S100A10: variants seen among roughly 807,000 people sequenced by gnomAD.
The protein encoded by S100A10 is S100 calcium binding protein A10, also known as protein S100-A10.
A neutral mutation model predicts 7.1 loss-of-function variants in S100A10; 3 were observed. The observed-to-expected ratio is 0.42, with a 90% CI of 0.19 to 1.10. The LOEUF is 1.10. S100A10 is among the 50% of genes least tolerant of loss of function. The pLI is 0.29. For synonymous variants in S100A10, 41 were observed against 39.3 expected (o/e 1.04, Z -0.16); for missense variants, 101 against 118.1 (o/e 0.86, Z 0.67).
intron 1 of S100A10, among the ~76,000 whole-genome samples, chr1:151,990,963 G>A (rs1057456490): frequency 6.6e-5 from 10 of 152,124 alleles, no homozygotes; most frequent in Admixed American, 1.3e-4. Context: ...AAAAGTGTCT[G>A]CTCCTGAAAA....
chr1:151,989,416 A>G (rs1017890238), intron 1 of S100A10, among the ~76,000 whole-genome samples: 25 of 152,282 alleles, frequency 1.6e-4, no homozygotes, highest in South Asian at 6.2e-4. Flanking sequence ...GCCTTCTGCA[A>G]TAAGGATGCA....
chr1:151,983,378 A>AAAGG, intron 2 of S100A10, 54 bp from the exon 3 acceptor site: 1 of 1,257,766 alleles, frequency 8.0e-7, no homozygotes, highest in Non-Finnish European at 1.1e-6. Flanking sequence ...TGCAATGAGG[A>AAAGG]GCTTATTTGA....
rs1655950504 is a variant in S100A10 at position 151,993,415 on chromosome 1, G to A, written c.-22+337C>T. Among the ~76,000 whole-genome samples the A allele has an allele frequency of 6.6e-6, 1 of 152,218 alleles. No individual in the cohort carries two copies. The highest frequency in any genetic ancestry group is 2.1e-4 in the South Asian group (1 of 4,832). The stretch of plus-strand genomic sequence containing the variant: ...ATTCGGTAACCCGAGAGACGAGTGG[G>A]AAAGTAGGAAAGGTGGGAGTAAAGC... On this transcript the variant is annotated intron_variant, in intron 1 of 2. Transcript: ENST00000368811. This position sits in a 1 kb window ranked among gnomAD's most constrained non-coding sequence, Gnocchi z 5.1.
Position 151,983,186 on chromosome 1 carries a change from T to C in S100A10, c.271A>G (p.Met91Val). The change falls in exon 3 of 3, where the codon ATG (methionine) becomes GTG (valine). Residue 91 changes from methionine (M) to valine (V), a missense_variant. Transcript: ENST00000368811. Reference sequence around the variant, plus strand: ...GCCTACTTCTTTCCCTTCTGCTTCATGTGTACTACAAAATAGTCATTGCAT... The same window carrying C: ...GCCTACTTCTTTCCCTTCTGCTTCACGTGTACTACAAAATAGTCATTGCAT... ...IACNDYFVVHMKQKGKK is the reference protein window; with the variant it reads ...IACNDYFVVHVKQKGKK 1 of 1,587,510 alleles carries C rather than the reference T, an allele frequency of 6.3e-7. No individual in the cohort carries two copies. The highest frequency in any genetic ancestry group is 8.5e-7 in the Non-Finnish European group (1 of 1,171,942).
chr1:151,986,144 C>T lies in S100A10; in HGVS notation c.87G>A (p.Glu29=), dbSNP rs766326548. 1 of 1,609,572 alleles carries T rather than the reference C, an allele frequency of 6.2e-7. No individual in the cohort carries two copies. Among genetic ancestry groups the T allele is most frequent in the South Asian group, 1.1e-5 (1 of 90,038 alleles). The change falls in exon 2 of 3, where the codon GAG becomes GAA. Residue 29 remains glutamate, a synonymous_variant. Transcript: ENST00000368811. The part of the protein sequence containing the change: ...FAGDKGYLTK[E]DLRVLMEKEF... ...CCTTTTCCATGAGTACTCTCAGGTCCTCCTTTGTTAAGTAGCCTTTATCCC... is the reference window on the plus strand; with the variant it reads ...CCTTTTCCATGAGTACTCTCAGGTCTTCCTTTGTTAAGTAGCCTTTATCCC...
At chr1:151,983,717 C>G (rs1186742793) in intron 2 of S100A10, among the ~76,000 whole-genome samples, 1 of 152,066 alleles carries the variant, frequency 6.6e-6, no homozygotes, top group African/African-American at 2.4e-5. Flanking sequence ...TTAATGATGC[C>G]ATGGGTTGGT....
In S100A10 at chr1:151,987,023, TC is replaced by T. The variant is rs1655805067; in HGVS notation, c.-21-773del. On this transcript the variant is annotated intron_variant, in intron 1 of 2. Transcript: ENST00000368811. The stretch of plus-strand genomic sequence containing the variant: ...TAATTTAGAAAAGCAACATCAGTGT[TC>T]CTCTTTTTTTTTTTTTTTTTTTTTT... 2.4e-5 allele frequency among the ~76,000 whole-genome samples: 3 copies of T among 127,380 alleles called. No homozygotes were observed. In the South Asian group the frequency reaches 7.7e-4, roughly 33 times the overall value. 83.6% of individuals were successfully genotyped at this position (127,380 alleles called of 152,430 possible). A position where few individuals can be genotyped will look rare whatever the true frequency, so the allele number is the denominator to read the frequency against.
At chr1:151,986,724 T>C (rs1335422452) in intron 1 of S100A10, among the ~76,000 whole-genome samples, 2 of 152,260 alleles carry the variant, frequency 1.3e-5, no homozygotes, top group African/African-American at 4.8e-5. Context: ...TCACTAAGCG[T>C]AACGTCCTCC....
chr1:151,992,396 A>C (rs1383918490), intron 1 of S100A10: 1 of 152,198 alleles, frequency 6.6e-6, no homozygotes. Context: ...GCAGGCTGCC[A>C]GGCGCATACT....
In S100A10 at chr1:151,993,264, G is replaced by GCCTACTCGT. The variant is rs1655945426; in HGVS notation, c.-22+479_-22+487dup. On this transcript the variant is annotated intron_variant, in intron 1 of 2. Coordinates refer to ENST00000368811, the MANE Select transcript of S100A10 (RefSeq NM_002966.3). This position sits in a 1 kb window ranked among gnomAD's most constrained non-coding sequence, Gnocchi z 5.1. ...GGGTTACGGAAGGGACGCCCCAGCTGCCTACTCGTCCTACCCGCGCCTACT... is the reference window on the plus strand; with the variant it reads ...GGGTTACGGAAGGGACGCCCCAGCTGCCTACTCGTCCTACTCGTCCTACCCGCGCCTACT... Among the ~76,000 whole-genome samples the GCCTACTCGT allele has an allele frequency of 6.6e-6, 1 of 152,142 alleles. No individual in the cohort carries two copies. Among genetic ancestry groups the GCCTACTCGT allele is most frequent in the Non-Finnish European group, 1.5e-5 (1 of 68,030 alleles).
chr1:151,990,837 G>T (rs532528275), intron 1 of S100A10, among the ~76,000 whole-genome samples: 1 of 152,218 alleles, frequency 6.6e-6, no homozygotes, highest in South Asian at 2.1e-4. Context: ...TTTGAGCAGG[G>T]TCCCAATAGC....
chr1:151,983,760 G>A (rs546480181), intron 2 of S100A10, among the ~76,000 whole-genome samples: 16 of 152,140 alleles, frequency 1.1e-4, no homozygotes, highest in Non-Finnish European at 2.2e-4. Context: ...CTCATTCTTG[G>A]CACAGCTGAG....
At chr1:151,985,773 A>G (rs1027086093) in intron 2 of S100A10, among the ~76,000 whole-genome samples, 8 of 152,094 alleles carry the variant, frequency 5.3e-5, no homozygotes, top group African/African-American at 1.9e-4. Context: ...GACACAGATA[A>G]CCCGATGGAA....
At position 151,983,214 on chromosome 1, in the gene S100A10, A is replaced by C. The variant is rs1041129387; in HGVS notation, c.243T>G (p.Ile81Met). 3.7e-6 allele frequency: 6 copies of C among 1,604,922 alleles called. No homozygotes were observed. The highest frequency in any genetic ancestry group is 1.3e-5 in the African/African-American group (1 of 74,380). The change falls in exon 3 of 3, where the codon ATT (isoleucine) becomes ATG (methionine). Residue 81 changes from isoleucine to methionine, a missense_variant. Transcript: ENST00000368811. ...SFFSLIAGLT[I>M]ACNDYFVVHM... ...GTACTACAAAATAGTCATTGCATGC[A>C]ATGGTGAGGCCCGCAATTAGGGAAA... is the stretch of plus-strand genomic sequence containing the variant.
In S100A10 at chr1:151,993,295, G is replaced by C. The variant is rs555347893; in HGVS notation, c.-22+457C>G. ...TCGTCCTACCCGCGCCTACTTGGGCGGTACAGCCGGGAGCAGGCTACGAAC... is the reference window on the plus strand; with the variant it reads ...TCGTCCTACCCGCGCCTACTTGGGCCGTACAGCCGGGAGCAGGCTACGAAC... On this transcript the variant is annotated intron_variant, in intron 1 of 2. Transcript: ENST00000368811. The surrounding 1 kb of genome is among the most constrained non-coding windows in gnomAD (Gnocchi z 5.1). Among the ~76,000 whole-genome samples, 3 of 152,298 alleles carry C rather than the reference G, an allele frequency of 2.0e-5. No homozygotes were observed. Among genetic ancestry groups the C allele is most frequent in the South Asian group, 4.1e-4 (2 of 4,826 alleles).
rs1030241893 is a variant in S100A10, at chr1:151,993,438, A to G, written c.-22+314T>C. On this transcript the variant is annotated intron_variant, in intron 1 of 2. Transcript: ENST00000368811. The surrounding 1 kb of genome is among the most constrained non-coding windows in gnomAD (Gnocchi z 5.1). ...GGGAAAGTAGGAAAGGTGGGAGTAA[A>G]GCAACGCAAACATAAAGGGAGGAGG... Among the ~76,000 whole-genome samples the G allele has an allele frequency of 6.6e-6, 1 of 152,212 alleles. No individual in the cohort carries two copies. The highest frequency in any genetic ancestry group is 2.4e-5 in the African/African-American group (1 of 41,468).
intron 2 of S100A10, among the ~76,000 whole-genome samples, chr1:151,984,859 A>G (rs1169153522): frequency 6.6e-6 from 1 of 152,208 alleles, no homozygotes; most frequent in Admixed American, 6.5e-5. Context: ...AGAGAGCTGA[A>G]GCAACCTGCC....
intron 1 of S100A10, among the ~76,000 whole-genome samples, chr1:151,989,746 C>T (rs1873311): frequency 0.91 from 139,176 of 152,258 alleles, 63,621 homozygotes; most frequent in East Asian, 0.95. Context: ...TGCAGCACTG[C>T]TAGCTGCCAA....
intron 1 of S100A10, among the ~76,000 whole-genome samples, chr1:151,989,278 C>T (rs935603167): frequency 1.3e-5 from 2 of 152,086 alleles, no homozygotes; most frequent in East Asian, 1.9e-4. Flanking sequence ...TACGAAGTGA[C>T]GGAGCTTCCT....
Sources: allele counts gnomAD v4.1 joint callset (sites outside exome capture counted in the v4.1 genomes callset), GRCh38; gene constraint gnomAD v4.1.1; non-coding constraint Gnocchi (gnomAD v3.1); transcripts MANE v1.5; gene names NCBI Gene and HGNC (gene_info 2026-07-23, HGNC 2026-07-21).